The following VSX2 variants were observed in gnomAD, a reference collection of about 807,000 sequenced individuals.
VSX2 encodes visual system homeobox 2.
Under a neutral mutation model 32.1 loss-of-function variants are expected in VSX2, and 28 were observed. That is an observed-to-expected ratio of 0.87 (90% CI 0.65 to 1.20). The LOEUF (loss-of-function observed/expected upper bound fraction) is 1.20. VSX2 is among the 50% of genes most tolerant of loss of function. The probability of loss-of-function intolerance (pLI) is 0.00; values close to 1 mark genes in which losing one functional copy is unlikely to be tolerated. For missense variants in VSX2, 506 were observed against 488.7 expected (o/e 1.04, Z -0.33); for synonymous variants, 243 against 214.1 (o/e 1.14, Z -1.18).
At chr14:74,252,241 GC>G (rs1245852647) in intron 3 of VSX2, among the ~76,000 whole-genome samples, 1 of 152,232 alleles carries the variant, frequency 6.6e-6, no homozygotes, top group Non-Finnish European at 1.5e-5. Context: ...TGGCCTGCTA[GC>G]TGTGCCTTTG....
At chr14:74,247,530 G>T (rs1427117458) in intron 3 of VSX2, among the ~76,000 whole-genome samples, 1 of 152,202 alleles carries the variant, frequency 6.6e-6, no homozygotes, top group Non-Finnish European at 1.5e-5. Context: ...TTAAGTCCTG[G>T]TGACAATCAG....
intron 3 of VSX2, among the ~76,000 whole-genome samples, chr14:74,251,681 A>G (rs976263402): frequency 6.6e-6 from 1 of 152,168 alleles, no homozygotes; most frequent in African/African-American, 2.4e-5. Context: ...TGCTCAGGCA[A>G]GAGGCTGTCT....
chr14:74,241,347 C>T (rs1397838622), intron 2 of VSX2, 81 bp downstream of exon 2: 8 of 1,464,788 alleles, frequency 5.5e-6, no homozygotes, highest in African/African-American at 1.4e-5. Flanking sequence ...TCTCTCGGAC[C>T]CTATTTTCGC....
At position 74,261,002 on chromosome 14, in the gene VSX2, G is replaced by A. The variant is rs1328764070; in HGVS notation, c.*83G>A. 1.3e-5 allele frequency: 19 copies of A among 1,491,056 alleles called. No homozygotes were observed. The South Asian group carries it at 1.9e-4, about 15-fold the overall frequency. 92.4% of individuals were successfully genotyped at this position (1,491,056 alleles called of 1,614,324 possible). On this transcript the variant is annotated 3_prime_UTR_variant, in exon 5 of 5. Transcript: ENST00000261980. Reference sequence around the variant, plus strand: ...TGCTGGGAGATGCTCTCTGAGGCAAGGCCCAGACCTGGCCTCTGCCATCCT... The same window carrying A: ...TGCTGGGAGATGCTCTCTGAGGCAAAGCCCAGACCTGGCCTCTGCCATCCT...
chr14:74,242,196 G>A (rs1168955955), intron 2 of VSX2, among the ~76,000 whole-genome samples: 1 of 152,136 alleles, frequency 6.6e-6, no homozygotes, highest in Non-Finnish European at 1.5e-5. Flanking sequence ...CGCAGGTGCT[G>A]CCCCGGCGCT....
In VSX2 at chr14:74,246,132, T is replaced by C. The variant is rs561120089; in HGVS notation, c.579+844T>C. Among the ~76,000 whole-genome samples, 6 of 152,364 alleles carry C rather than the reference T, an allele frequency of 3.9e-5. No homozygotes were observed. The South Asian group carries it at 1.2e-3, about 32-fold the overall frequency. ...CAGAAGGAGTGGGGTGGGAGGAACA[T>C]TTCCAGAAGATTTGGGGTTGTCTTA... On this transcript the variant is annotated intron_variant, in intron 3 of 4. Coordinates refer to ENST00000261980, the MANE Select transcript of VSX2 (RefSeq NM_182894.3).
intron 3 of VSX2, among the ~76,000 whole-genome samples, chr14:74,258,131 G>A (rs1411594026): frequency 1.3e-5 from 2 of 152,128 alleles, no homozygotes; most frequent in African/African-American, 2.4e-5. Flanking sequence ...GAAGAGTTGG[G>A]GGTCCCCGGG....
chr14:74,254,925 G>A (rs934041956), intron 3 of VSX2, among the ~76,000 whole-genome samples: 11 of 151,492 alleles, frequency 7.3e-5, no homozygotes, highest in African/African-American at 4.9e-5. Flanking sequence ...GACTACAGGC[G>A]CCCCCCACCA....
In VSX2 at chr14:74,241,868, C is replaced by T. The variant is rs148586836; in HGVS notation, c.455+602C>T. On this transcript the variant is annotated intron_variant, in intron 2 of 4. Transcript: ENST00000261980. ...CTCGTCTGCAAAATGGAGTGGTAGGCGATGTAGACTGGACGGTCCCACCAG... is the reference window on the plus strand; with the variant it reads ...CTCGTCTGCAAAATGGAGTGGTAGGTGATGTAGACTGGACGGTCCCACCAG... Among the ~76,000 whole-genome samples the T allele has an allele frequency of 6.1e-3, 925 of 152,274 alleles. 10 individuals are homozygous for T. Among genetic ancestry groups the T allele is most frequent in the African/African-American group, 0.019 (772 of 41,546 alleles).
intron 2 of VSX2, among the ~76,000 whole-genome samples, chr14:74,243,315 G>C (rs1021189429): frequency 3.3e-5 from 5 of 152,276 alleles, no homozygotes; most frequent in Middle Eastern, 3.4e-3. Flanking sequence ...CTCCTCTTCA[G>C]ACTGGACACA....
chr14:74,245,232 G>T lies in VSX2; in HGVS notation c.523G>T (p.Val175Phe). The T allele has an allele frequency of 6.2e-7, 1 of 1,613,672 alleles. No individual in the cohort carries two copies. Among genetic ancestry groups the T allele is most frequent in the Non-Finnish European group, 8.5e-7 (1 of 1,179,938 alleles). Residue 175 changes from valine (V) to phenylalanine (F), a missense_variant, in exon 3 of 5, where the codon GTC (valine) becomes TTC (phenylalanine). Coordinates refer to ENST00000261980, the MANE Select transcript of VSX2 (RefSeq NM_182894.3). ...ATTCAACGAAGCCCACTACCCAGAC[G>T]TCTATGCCCGGGAGATGCTGGCCAT... is the stretch of plus-strand genomic sequence containing the variant. ...KAFNEAHYPDVYAREMLAMKT... is the reference protein window; with the variant it reads ...KAFNEAHYPDFYAREMLAMKT...
rs1322990620 is a variant in VSX2 at position 74,239,533 on chromosome 14, C to A, written c.-29C>A. Reference sequence around the variant, plus strand: ...GGGGGTGGGGGGAGCTAAAGACCTGCGGCCTCAGCCCCTCCAAAGAACAGG... The same window carrying A: ...GGGGGTGGGGGGAGCTAAAGACCTGAGGCCTCAGCCCCTCCAAAGAACAGG... On this transcript the variant is annotated 5_prime_UTR_variant, in exon 1 of 5. Transcript: ENST00000261980. 7 of 1,550,348 alleles carry A rather than the reference C, an allele frequency of 4.5e-6. No homozygotes were observed. Among genetic ancestry groups the A allele is most frequent in the Non-Finnish European group, 6.1e-6 (7 of 1,146,894 alleles).
chr14:74,241,151 T>C (rs1464698290), intron 1 of VSX2, 31 bp from the exon 2 acceptor site: 2 of 1,609,810 alleles, frequency 1.2e-6, no homozygotes, highest in African/African-American at 2.7e-5. Context: ...CGTCCCCCAC[T>C]CTGCCGCATG....
intron 3 of VSX2, among the ~76,000 whole-genome samples, chr14:74,248,353 A>C (rs1286533481): frequency 1.1e-5 from 1 of 93,150 alleles, no homozygotes; most frequent in African/African-American, 3.9e-5. Context: ...AAAAAAAAAC[A>C]AAAAAAACCA....
chr14:74,239,828 G>T lies in VSX2; in HGVS notation c.267G>T (p.Thr89=), dbSNP rs369629867. The change falls in exon 1 of 5, where the codon ACG becomes ACT. Residue 89 remains threonine, a synonymous_variant. Transcript: ENST00000261980. Reference sequence around the variant, plus strand: ...CCGGGGGGCTCCCTGGCTTCTACACGCAGCCCACCTTCCTGGAAGTGCTGT... The same window carrying T: ...CCGGGGGGCTCCCTGGCTTCTACACTCAGCCCACCTTCCTGGAAGTGCTGT... The part of the protein sequence containing the change: ...LGPGGLPGFY[T]QPTFLEVLSD... 1.4e-5 allele frequency: 22 copies of T among 1,576,038 alleles called. No individual in the cohort carries two copies. In the African/African-American group the frequency reaches 2.6e-4, roughly 18 times the overall value.
At chr14:74,245,143 T>C (rs1188592071) in intron 2 of VSX2, 22 bp from the exon 3 acceptor site, 1 of 1,613,040 alleles carries the variant, frequency 6.2e-7, no homozygotes, top group South Asian at 1.1e-5. Flanking sequence ...GGGTCCTGAG[T>C]GTTCGGTCTT....
intron 3 of VSX2, among the ~76,000 whole-genome samples, chr14:74,255,081 G>A (rs186963268): frequency 1.1e-3 from 164 of 152,094 alleles, no homozygotes; most frequent in Middle Eastern, 3.4e-3. Flanking sequence ...TGCCTGGCCT[G>A]AAAAGTGGAT....
rs548625511 is a variant in VSX2 at position 74,243,731 on chromosome 14, C to G, written c.456-1434C>G. Among the ~76,000 whole-genome samples, 3 of 150,794 alleles carry G rather than the reference C, an allele frequency of 2.0e-5. No homozygotes were observed. In the South Asian group the frequency reaches 6.4e-4, roughly 32 times the overall value. The stretch of plus-strand genomic sequence containing the variant: ...CCCCACCCCCAGAGAATAGGAGAAA[C>G]GATTTAGAATCAAACCAGTCATTTT... On this transcript the variant is annotated intron_variant, in intron 2 of 4. Coordinates refer to ENST00000261980, the MANE Select transcript of VSX2 (RefSeq NM_182894.3).
chr14:74,259,822 G>A lies in VSX2; in HGVS notation c.760+40G>A, dbSNP rs763605920. The A allele has an allele frequency of 3.8e-6, 6 of 1,589,902 alleles. No homozygotes were observed. In the African/African-American group the frequency reaches 6.7e-5, roughly 18 times the overall value. ...CCTCCTTGGGGTCCTGCCCTGCGGTGAGGAGAGCGGGCTCCTTGGAGGAGG... is the reference window on the plus strand; with the variant it reads ...CCTCCTTGGGGTCCTGCCCTGCGGTAAGGAGAGCGGGCTCCTTGGAGGAGG... On this transcript the variant is annotated intron_variant, in intron 4 of 4. Coordinates refer to ENST00000261980, the MANE Select transcript of VSX2 (RefSeq NM_182894.3).
Sources: gnomAD v4.1 joint callset for allele counts (sites outside exome capture counted in the v4.1 genomes callset) on GRCh38, gnomAD v4.1.1 for gene constraint, MANE v1.5 for transcripts, NCBI Gene and HGNC (gene_info 2026-07-23, HGNC 2026-07-21) for gene names.